PTPRD: variants seen among roughly 807,000 people sequenced by gnomAD.
The protein encoded by PTPRD is protein tyrosine phosphatase receptor type D.
In PTPRD, 34 loss-of-function variants were observed where a neutral mutation model predicts 214.5. The ratio of observed to expected loss-of-function variants is 0.16; its 90% CI spans 0.12 to 0.21. The LOEUF (loss-of-function observed/expected upper bound fraction) is 0.21, where lower values mean the gene tolerates loss of function less well. PTPRD is among the 10% of genes least tolerant of loss of function. PTPRD has a pLI of 1.00. For synonymous variants in PTPRD, 1,128 were observed against 845.7 expected (o/e 1.33, Z -5.79); for missense variants, 2,545 against 2,398.7 (o/e 1.06, Z -1.27).
At chr9:8,368,676 CT>C (rs199556434) in intron 39 of PTPRD, among the ~76,000 whole-genome samples, 1,423 of 117,266 alleles carry the variant, frequency 0.012, 16 homozygotes, top group Middle Eastern at 0.026. Flanking sequence ...CCTTTTAATG[CT>C]TTTTTTTTTT....
chr9:9,575,744 AAAGAAAGAAAG>A (rs2088403623), intron 7 of PTPRD, among the ~76,000 whole-genome samples: 1 of 129,738 alleles, frequency 7.7e-6, no homozygotes. Flanking sequence ...AAAAAAAAAA[AAAGAAAGAAAG>A]AAAAAGAAAA....
intron 10 of PTPRD, among the ~76,000 whole-genome samples, chr9:9,023,527 T>A (rs1395431192): frequency 6.6e-6 from 1 of 152,000 alleles, no homozygotes; most frequent in Non-Finnish European, 1.5e-5. Flanking sequence ...CTTAGTTGCT[T>A]TTATTTAATC....
At chr9:9,689,090 A>G (rs1285842614) in intron 7 of PTPRD, among the ~76,000 whole-genome samples, 3 of 152,042 alleles carry the variant, frequency 2.0e-5, no homozygotes, top group East Asian at 3.9e-4. Context: ...TAATTTAAAG[A>G]ATGTGAGTGT....
chr9:9,711,628 A>T (rs1175447891), intron 7 of PTPRD, among the ~76,000 whole-genome samples: 2 of 152,138 alleles, frequency 1.3e-5, no homozygotes, highest in Admixed American at 6.6e-5. Flanking sequence ...ACAAAGGGTA[A>T]ACTTACTCTC....
At chr9:8,925,858 ATTT>A (rs33971552) in intron 11 of PTPRD, among the ~76,000 whole-genome samples, 19 of 120,162 alleles carry the variant, frequency 1.6e-4, no homozygotes, top group African/African-American at 5.2e-4. Flanking sequence ...CTATTGCAAT[ATTT>A]TTTTTTTTTT....
intron 14 of PTPRD, among the ~76,000 whole-genome samples, chr9:8,541,742 T>C (rs919342224): frequency 1.3e-5 from 2 of 152,188 alleles, no homozygotes; most frequent in African/African-American, 2.4e-5. Flanking sequence ...CACAGGACTA[T>C]CAATTTATGA....
intron 36 of PTPRD, among the ~76,000 whole-genome samples, chr9:8,392,479 T>C (rs888810093): frequency 7.2e-5 from 11 of 152,174 alleles, no homozygotes; most frequent in Admixed American, 3.9e-4. Flanking sequence ...TGAGCCATAA[T>C]TGCACCACCA....
chr9:9,632,466 T>C (rs2095623969), intron 7 of PTPRD, among the ~76,000 whole-genome samples: 2 of 152,146 alleles, frequency 1.3e-5, no homozygotes, highest in African/African-American at 2.4e-5. Context: ...GTATTAAAAA[T>C]GTTTCCAAGT....
At position 10,140,779 on chromosome 9, in the gene PTPRD, G is replaced by T. The variant is rs201790427; in HGVS notation, c.-544-106989C>A. Reference sequence around the variant, plus strand: ...CCAGCATCATCCTGATACCAAAGCCGGGCAGAGACACAACCAAAAAAGAGA... The same window carrying T: ...CCAGCATCATCCTGATACCAAAGCCTGGCAGAGACACAACCAAAAAAGAGA... On this transcript the variant is annotated intron_variant, in intron 3 of 45. Transcript: ENST00000381196. Among the ~76,000 whole-genome samples the T allele has an allele frequency of 4.2e-3, 632 of 151,628 alleles. 2 individuals are homozygous for T. Among genetic ancestry groups the T allele is most frequent in the African/African-American group, 0.014 (599 of 41,332 alleles).
At chr9:8,928,580 G>GCACCATGCTGTT (rs1567052293) in intron 11 of PTPRD, among the ~76,000 whole-genome samples, 1 of 149,426 alleles carries the variant, frequency 6.7e-6, no homozygotes, top group Non-Finnish European at 1.5e-5. Context: ...TTTGGTACCA[G>GCACCATGCTGTT]TTGGTTACTC....
intron 10 of PTPRD, among the ~76,000 whole-genome samples, chr9:9,072,571 T>C (rs1457321528): frequency 6.6e-6 from 1 of 152,170 alleles, no homozygotes; most frequent in Non-Finnish European, 1.5e-5. Context: ...CTAATTATAC[T>C]TTTATAAAAA....
chr9:10,517,374 G>A (rs540385760), intron 2 of PTPRD, among the ~76,000 whole-genome samples: 26 of 152,022 alleles, frequency 1.7e-4, no homozygotes, highest in Admixed American at 5.9e-4. Context: ...ATAGTTTTCT[G>A]TTAGTGTATC....
intron 9 of PTPRD, among the ~76,000 whole-genome samples, chr9:9,219,418 T>TA (rs33960598): frequency 0.13 from 19,350 of 150,594 alleles, 1,550 homozygotes; most frequent in Middle Eastern, 0.21. Flanking sequence ...CTTATTAAAT[T>TA]AAAAAAAAAA....
intron 5 of PTPRD, among the ~76,000 whole-genome samples, chr9:9,885,767 T>A (rs74632258): frequency 0.059 from 8,979 of 152,006 alleles, 836 homozygotes; most frequent in African/African-American, 0.2. Flanking sequence ...CTGCTGACCC[T>A]TTTTAGACTT....
intron 3 of PTPRD, among the ~76,000 whole-genome samples, chr9:10,069,998 A>T (rs956681581): frequency 2.6e-5 from 4 of 152,030 alleles, no homozygotes; most frequent in Non-Finnish European, 5.9e-5. Context: ...GTTAAAACAC[A>T]TATTCTTGGG....
At chr9:10,469,932 T>C (rs544345169) in intron 2 of PTPRD, among the ~76,000 whole-genome samples, 11 of 150,104 alleles carry the variant, frequency 7.3e-5, no homozygotes, top group African/African-American at 2.5e-4. Context: ...TACTCACTCA[T>C]ATGTGAGAGC....
intron 9 of PTPRD, among the ~76,000 whole-genome samples, chr9:9,359,799 T>C (rs942541938): frequency 6.6e-6 from 1 of 151,278 alleles, no homozygotes; most frequent in Non-Finnish European, 1.5e-5. Flanking sequence ...ATCATTTTTA[T>C]TCAGCAGGTG....
intron 2 of PTPRD, among the ~76,000 whole-genome samples, chr9:10,388,612 A>T (rs1159369247): frequency 6.6e-6 from 1 of 151,894 alleles, no homozygotes; most frequent in Non-Finnish European, 1.5e-5. Flanking sequence ...ATCTTTGACA[A>T]ATAACATACT....
At chr9:8,339,343 T>C (rs1220027632) in intron 42 of PTPRD, among the ~76,000 whole-genome samples, 1 of 152,144 alleles carries the variant, frequency 6.6e-6, no homozygotes, top group African/African-American at 2.4e-5. Flanking sequence ...GGTAAGCATC[T>C]TCATACCTAC....
Sources: allele counts gnomAD v4.1 joint callset (sites outside exome capture counted in the v4.1 genomes callset), GRCh38; gene constraint gnomAD v4.1.1; transcripts MANE v1.5; gene names NCBI Gene and HGNC (gene_info 2026-07-23, HGNC 2026-07-21).